The following DMD variants were observed in gnomAD, a reference collection of about 807,000 sequenced individuals.
DMD encodes dystrophin.
A neutral mutation model predicts 330.1 loss-of-function variants in DMD; 63 were observed. That is an observed-to-expected ratio of 0.19 (90% CI 0.16 to 0.24). DMD has a LOEUF of 0.24. DMD is among the 10% of genes least tolerant of loss of function. The pLI, the probability that DMD is intolerant of heterozygous loss-of-function variation, is 1.00. For missense variants in DMD, 3,344 were observed against 2,684.1 expected, an observed-to-expected ratio of 1.25 and a Z score of -5.43; for synonymous variants, 1,223 against 959.8, an observed-to-expected ratio of 1.27 and a Z score of -5.07.
intron 50 of DMD, among the ~76,000 whole-genome samples, chrX:31,783,857 G>C (rs1252431339): frequency 9.0e-6 from 1 of 111,377 alleles, no homozygotes; most frequent in Non-Finnish European, 1.9e-5. Context: ...ATATTAAATA[G>C]TCTTAAAATG....
chrX:31,795,947 T>C (rs930275339), intron 50 of DMD, among the ~76,000 whole-genome samples: 3 of 111,852 alleles, frequency 2.7e-5, no homozygotes, highest in African/African-American at 9.7e-5. Flanking sequence ...AGGCAGCAAT[T>C]GGTGATTAGG....
At chrX:31,443,804 G>C (rs1200274150) in intron 60 of DMD, among the ~76,000 whole-genome samples, 1 of 111,745 alleles carries the variant, frequency 8.9e-6, no homozygotes, top group Non-Finnish European at 1.9e-5. Flanking sequence ...AGCAGTAAGA[G>C]TACAAAGGAA....
chrX:31,938,629 T>G (rs1415218576), intron 45 of DMD, among the ~76,000 whole-genome samples: 2 of 111,468 alleles, frequency 1.8e-5, no homozygotes, highest in Non-Finnish European at 3.8e-5. Flanking sequence ...TTTACTTACA[T>G]CCATGTGGCC....
chrX:32,407,080 C>A (rs1354848719), intron 30 of DMD, among the ~76,000 whole-genome samples: 1 of 111,204 alleles, frequency 9.0e-6, no homozygotes, highest in Non-Finnish European at 1.9e-5. Context: ...GACTTCATGA[C>A]GAAAACAACA....
At chrX:32,873,388 G>C (rs1257573497) in intron 2 of DMD, among the ~76,000 whole-genome samples, 1 of 109,890 alleles carries the variant, frequency 9.1e-6, no homozygotes, top group African/African-American at 3.3e-5. Flanking sequence ...ACTCAGGCCT[G>C]TTTCTCAGAC....
intron 1 of DMD, among the ~76,000 whole-genome samples, chrX:33,032,385 T>C (rs903885748): frequency 8.9e-6 from 1 of 111,976 alleles, no homozygotes; most frequent in Non-Finnish European, 1.9e-5. Flanking sequence ...TTTGGATTTG[T>C]TTTTTACAGA....
chrX:32,974,969 A>C (rs1255464709), intron 2 of DMD, among the ~76,000 whole-genome samples: 4 of 112,045 alleles, frequency 3.6e-5, no homozygotes, highest in Non-Finnish European at 7.5e-5. Context: ...GGATAAATGA[A>C]GCTAGAAAAA....
At chrX:32,152,247 C>T (rs2096807328) in intron 44 of DMD, among the ~76,000 whole-genome samples, 2 of 111,478 alleles carry the variant, frequency 1.8e-5, no homozygotes, top group East Asian at 2.8e-4. Context: ...AGACAACTGT[C>T]GGAAATTGAT....
chrX:33,227,968 T>TA (rs1446796777), intron 1 of DMD, among the ~76,000 whole-genome samples: 2 of 110,853 alleles, frequency 1.8e-5, no homozygotes, highest in African/African-American at 3.3e-5. Flanking sequence ...TAGAGGAGGA[T>TA]AAAAAAAGTT....
intron 44 of DMD, among the ~76,000 whole-genome samples, chrX:32,107,338 ATGTGTGTG>A (rs34502564): frequency 5.4e-4 from 48 of 89,139 alleles, no homozygotes; most frequent in East Asian, 3.3e-3. Flanking sequence ...ATATAATTAT[ATGTGTGTG>A]TGTGTGTGTG....
intron 1 of DMD, among the ~76,000 whole-genome samples, chrX:33,318,287 A>G (rs896837002): frequency 9.0e-6 from 1 of 111,052 alleles, no homozygotes; most frequent in African/African-American, 3.3e-5. Context: ...GTCCAGAGAA[A>G]TAAAGTTCTC....
chrX:32,448,387 T>C lies in DMD; in HGVS notation c.3786+69A>G, dbSNP rs1407843181. ...TGTTTTGCACTGGTATCCATGTTCT[T>C]AACCACTATGCCTCACATATGACCA... On this transcript the variant is annotated intron_variant, in intron 27 of 78. Coordinates refer to ENST00000357033, the MANE Select transcript of DMD (RefSeq NM_004006.3). The C allele has an allele frequency of 2.6e-6, 3 of 1,142,923 alleles. No individual in the cohort carries two copies. In the African/African-American group the frequency reaches 5.4e-5, roughly 21 times the overall value. 94.2% of individuals were successfully genotyped at this position (1,142,923 alleles called of 1,213,427 possible). A position where few individuals can be genotyped will look rare whatever the true frequency, so the allele number is the denominator to read the frequency against.
intron 61 of DMD, among the ~76,000 whole-genome samples, chrX:31,330,215 CAA>C (rs201278748): frequency 2.9e-5 from 2 of 69,428 alleles, no homozygotes; most frequent in Non-Finnish European, 3.0e-5. Flanking sequence ...TATAAAAGTA[CAA>C]AAAAAAAAAA....
intron 1 of DMD, among the ~76,000 whole-genome samples, chrX:33,330,336 A>G (rs762461127): frequency 6.3e-5 from 7 of 111,292 alleles, no homozygotes; most frequent in African/African-American, 1.3e-4. Context: ...ATCTAACACA[A>G]TTTCTTATTG....
At chrX:33,164,867 T>C (rs1412160571) in intron 1 of DMD, among the ~76,000 whole-genome samples, 1 of 110,353 alleles carries the variant, frequency 9.1e-6, no homozygotes, top group Non-Finnish European at 1.9e-5. Flanking sequence ...AAGAAGATAC[T>C]ACCAATTAAT....
At chrX:32,553,735 G>A (rs2049853798) in intron 16 of DMD, among the ~76,000 whole-genome samples, 1 of 111,579 alleles carries the variant, frequency 9.0e-6, no homozygotes, top group African/African-American at 3.3e-5. Flanking sequence ...TTATGATATG[G>A]TTTGGCTCTC....
intron 12 of DMD, among the ~76,000 whole-genome samples, chrX:32,609,692 C>T (rs1184727162): frequency 9.0e-6 from 1 of 111,287 alleles, no homozygotes; most frequent in Non-Finnish European, 1.9e-5. Context: ...CTTTAACTAA[C>T]CTTCAAGAAA....
At chrX:32,985,890 G>A (rs188276435) in intron 2 of DMD, among the ~76,000 whole-genome samples, 350 of 111,813 alleles carry the variant, frequency 3.1e-3, no homozygotes, top group Non-Finnish European at 4.9e-3. Context: ...CAAAGGCATC[G>A]TGTATTTGCT....
chrX:32,318,239 G>A (rs548614697), intron 41 of DMD, among the ~76,000 whole-genome samples: 1 of 110,818 alleles, frequency 9.0e-6, no homozygotes, highest in African/African-American at 3.3e-5. Context: ...TATTTCTCCT[G>A]GACAATTATA....
Sources: gnomAD v4.1 joint callset for allele counts (sites outside exome capture counted in the v4.1 genomes callset) on GRCh38, gnomAD v4.1.1 for gene constraint, MANE v1.5 for transcripts, NCBI Gene and HGNC (gene_info 2026-07-23, HGNC 2026-07-21) for gene names.